The following SHC3 variants were observed in gnomAD, a reference collection of about 807,000 sequenced individuals.
SHC3 encodes SHC-transforming protein 3.
A neutral mutation model predicts 60.4 loss-of-function variants in SHC3; 15 were observed. The ratio of observed to expected loss-of-function variants is 0.25; its 90% CI spans 0.17 to 0.38. The LOEUF is 0.38. SHC3 is among the 10% of genes least tolerant of loss of function. The pLI is 1.00. For synonymous variants in SHC3, 294 were observed against 325.9 expected (o/e 0.90, Z 1.05); for missense variants, 677 against 786.1 (o/e 0.86, Z 1.66).
intron 1 of SHC3, among the ~76,000 whole-genome samples, chr9:89,131,399 C>T (rs899278714): frequency 3.9e-5 from 6 of 152,218 alleles, no homozygotes; most frequent in African/African-American, 1.2e-4. Flanking sequence ...TCCTCCCTAA[C>T]TCATTTTATG....
At chr9:89,078,310 C>T (rs550136318) in intron 2 of SHC3, among the ~76,000 whole-genome samples, 1 of 152,250 alleles carries the variant, frequency 6.6e-6, no homozygotes, top group East Asian at 1.9e-4. Context: ...TAATCAACCA[C>T]CTTGATTGAT....
At chr9:89,170,039 C>T (rs1031789519) in intron 1 of SHC3, among the ~76,000 whole-genome samples, 1 of 152,048 alleles carries the variant, frequency 6.6e-6, no homozygotes, top group Non-Finnish European at 1.5e-5. Context: ...CTCCTGCTGC[C>T]AGTTTTTAGG....
chr9:89,168,708 T>C (rs1826826261), intron 1 of SHC3, among the ~76,000 whole-genome samples: 1 of 152,160 alleles, frequency 6.6e-6, no homozygotes, highest in African/African-American at 2.4e-5. Context: ...AGATATTTGG[T>C]TAAACATTAT....
chr9:89,030,960 G>C (rs1193262696), intron 11 of SHC3, among the ~76,000 whole-genome samples: 2 of 151,966 alleles, frequency 1.3e-5, no homozygotes, highest in Non-Finnish European at 2.9e-5. Context: ...ACCCAGCCTG[G>C]AGAGCAGTTG....
chr9:89,024,526 T>C (rs1826255872), intron 11 of SHC3, among the ~76,000 whole-genome samples: 2 of 152,202 alleles, frequency 1.3e-5, no homozygotes, highest in Non-Finnish European at 2.9e-5. Context: ...TGCCACAACT[T>C]GGCCTGCCAC....
chr9:89,140,339 C>G (rs976736660), intron 1 of SHC3, among the ~76,000 whole-genome samples: 7 of 151,986 alleles, frequency 4.6e-5, no homozygotes, highest in East Asian at 1.9e-4. Flanking sequence ...ACAGATTCCC[C>G]CCCCCAGATT....
intron 1 of SHC3, among the ~76,000 whole-genome samples, chr9:89,135,959 T>A (rs537874677): frequency 6.6e-6 from 1 of 152,208 alleles, no homozygotes; most frequent in Non-Finnish European, 1.5e-5. Context: ...ACTCCTTGTG[T>A]AGGAATGCAG....
At chr9:89,105,861 T>C (rs1825851222) in intron 2 of SHC3, among the ~76,000 whole-genome samples, 1 of 152,156 alleles carries the variant, frequency 6.6e-6, no homozygotes, top group Non-Finnish European at 1.5e-5. Flanking sequence ...TTCCCTTCAG[T>C]TAGAAAAAAC....
In SHC3 at chr9:89,178,669, C is replaced by T; in HGVS notation, c.-209G>A. 2 of 436,896 alleles carry T rather than the reference C, an allele frequency of 4.6e-6. No individual in the cohort carries two copies. Among genetic ancestry groups the T allele is most frequent in the African/African-American group, 4.1e-5 (2 of 48,754 alleles). 27.1% of individuals were successfully genotyped at this position (436,896 alleles called of 1,614,324 possible). On this transcript the variant is annotated 5_prime_UTR_variant, in exon 1 of 12. Transcript: ENST00000375835. This position sits in a 1 kb window ranked among gnomAD's most constrained non-coding sequence, Gnocchi z 6.9. ...ACAGCGGCGGCCGCGCAGCCCCGGC[C>T]CGGGAGACCGCTGCTTGGGGTTGCA...
intron 1 of SHC3, among the ~76,000 whole-genome samples, chr9:89,137,000 C>T (rs1403587296): frequency 6.6e-6 from 1 of 152,102 alleles, no homozygotes; most frequent in Non-Finnish European, 1.5e-5. Context: ...GAAGCAGGCA[C>T]ATCTTACATG....
At chr9:89,064,593 C>T (rs568272202) in intron 6 of SHC3, among the ~76,000 whole-genome samples, 1 of 152,206 alleles carries the variant, frequency 6.6e-6, no homozygotes, top group East Asian at 1.9e-4. Context: ...GTCTGGGCCC[C>T]ACTCTCTGAG....
intron 2 of SHC3, among the ~76,000 whole-genome samples, chr9:89,107,251 G>A (rs986193289): frequency 1.3e-5 from 2 of 152,162 alleles, no homozygotes; most frequent in Non-Finnish European, 2.9e-5. Context: ...AGGCCGCAAG[G>A]ACCCTCTTCC....
intron 11 of SHC3, among the ~76,000 whole-genome samples, chr9:89,025,614 C>G (rs561202502): frequency 6.6e-6 from 1 of 152,216 alleles, no homozygotes; most frequent in South Asian, 2.1e-4. Flanking sequence ...TCAGACATGC[C>G]TCATTATATC....
At chr9:89,080,226 G>C (rs1486820251) in intron 2 of SHC3, among the ~76,000 whole-genome samples, 2 of 152,076 alleles carry the variant, frequency 1.3e-5, no homozygotes, top group East Asian at 3.9e-4. Context: ...TTGAGTCTCA[G>C]GTACCAATTT....
rs549812584 is a variant in SHC3 at position 89,072,422 on chromosome 9, G to A, written c.730-1170C>T. 1.1e-4 allele frequency among the ~76,000 whole-genome samples: 16 copies of A among 152,124 alleles called. No homozygotes were observed. In the South Asian group the frequency reaches 1.2e-3, roughly 12 times the overall value. ...ACACAGAACTCACAGCTAGAATGGG[G>A]GGAAATGTGGCCCATCTTCCATTTT... is the stretch of plus-strand genomic sequence containing the variant. On this transcript the variant is annotated intron_variant, in intron 4 of 11. Transcript: ENST00000375835.
Position 89,052,181 on chromosome 9 carries a change from A to G in SHC3, c.836-18T>C. 1.2e-6 allele frequency: 2 copies of G among 1,612,704 alleles called. No homozygotes were observed. Among genetic ancestry groups the G allele is most frequent in the Non-Finnish European group, 1.7e-6 (2 of 1,179,168 alleles). ...GTGACAAGCTGGGAAAGCAAGTGACATGGGCCTATTAGAGACAGACACTGG... is the reference window on the plus strand; with the variant it reads ...GTGACAAGCTGGGAAAGCAAGTGACGTGGGCCTATTAGAGACAGACACTGG... On this transcript the variant is annotated intron_variant, in intron 6 of 11. Transcript: ENST00000375835.
rs147806025 is a variant in SHC3, at chr9:89,170,623, C to T, written c.474+7364G>A. 6.8e-3 allele frequency among the ~76,000 whole-genome samples: 1,031 copies of T among 152,132 alleles called. 15 individuals carry two copies. The highest frequency in any genetic ancestry group is 0.023 in the African/African-American group (966 of 41,492). On this transcript the variant is annotated intron_variant, in intron 1 of 11. Coordinates refer to ENST00000375835, the MANE Select transcript of SHC3 (RefSeq NM_016848.6). The stretch of plus-strand genomic sequence containing the variant: ...TCAGGCCACTGGATTCCAGTCTGGG[C>T]GACAGAGCAAGACTCCATCTCAGAA...
At chr9:89,149,556 A>G (rs979711927) in intron 1 of SHC3, among the ~76,000 whole-genome samples, 4 of 152,110 alleles carry the variant, frequency 2.6e-5, no homozygotes, top group Non-Finnish European at 5.9e-5. Context: ...CTTCATCTGG[A>G]TAACTGCTAC....
intron 11 of SHC3, chr9:89,037,375 G>A: frequency 3.2e-6 from 2 of 618,780 alleles, no homozygotes; most frequent in Non-Finnish European, 5.8e-6. Flanking sequence ...TGATTTAACT[G>A]CATTTATTAA....
Sources: allele counts gnomAD v4.1 joint callset (sites outside exome capture counted in the v4.1 genomes callset), GRCh38; gene constraint gnomAD v4.1.1; non-coding constraint Gnocchi (gnomAD v3.1); transcripts MANE v1.5; gene names NCBI Gene and HGNC (gene_info 2026-07-23, HGNC 2026-07-21).